Variants in IL1RAPL1 observed in about 807,000 individuals in gnomAD.
IL1RAPL1 encodes interleukin-1 receptor accessory protein-like 1.
IL1RAPL1 carries 3 observed loss-of-function variants against 48.4 expected under a neutral mutation model. The observed-to-expected ratio is 0.06, with a 90% CI of 0.03 to 0.16. IL1RAPL1 has a LOEUF of 0.16. IL1RAPL1 is among the 10% of genes least tolerant of loss of function. IL1RAPL1 has a pLI of 1.00. For synonymous variants in IL1RAPL1, 185 were observed against 187.7 expected, an observed-to-expected ratio of 0.99 and a Z score of 0.12; for missense variants, 349 against 530.6, an observed-to-expected ratio of 0.66 and a Z score of 3.36.
At chrX:28,704,083 C>T (rs190449702) in intron 1 of IL1RAPL1, among the ~76,000 whole-genome samples, 8 of 111,635 alleles carry the variant, frequency 7.2e-5, no homozygotes, top group African/African-American at 1.9e-4. Flanking sequence ...TAATAGGCAA[C>T]ACTCAGATGA....
chrX:29,352,986 C>T (rs1015280795), intron 3 of IL1RAPL1, among the ~76,000 whole-genome samples: 2 of 111,812 alleles, frequency 1.8e-5, no homozygotes, highest in Non-Finnish European at 3.8e-5. Flanking sequence ...TTACTTGCTA[C>T]TGGCAGCTTT....
intron 2 of IL1RAPL1, among the ~76,000 whole-genome samples, chrX:28,986,435 G>T (rs1439188917): frequency 8.9e-6 from 1 of 112,311 alleles, no homozygotes; most frequent in African/African-American, 3.2e-5. Flanking sequence ...TAAGTAAATG[G>T]AGGAACATAA....
Position 28,711,987 on chromosome X carries a change from G to A in IL1RAPL1, c.-24-77333G>A, listed in dbSNP as rs144093148. ...CATAAGAGAACTGAATTTGCAGGGC[G>A]AACTTTCATCGCAAACCTAAAGAGG... On this transcript the variant is annotated intron_variant, in intron 1 of 10. Transcript: ENST00000378993. Among the ~76,000 whole-genome samples the A allele has an allele frequency of 4.4e-3, 483 of 110,714 alleles. 19 individuals carry two copies. In the East Asian group the frequency reaches 0.094, roughly 22 times the overall value.
At chrX:29,336,352 T>G (rs1395635857) in intron 3 of IL1RAPL1, among the ~76,000 whole-genome samples, 9 of 74,964 alleles carry the variant, frequency 1.2e-4, no homozygotes, top group African/African-American at 3.8e-4. Flanking sequence ...TGTGTGTATA[T>G]CTATGTATAT....
intron 5 of IL1RAPL1, among the ~76,000 whole-genome samples, chrX:29,456,181 G>A (rs923064175): frequency 6.2e-5 from 7 of 112,390 alleles, no homozygotes; most frequent in African/African-American, 2.3e-4. Context: ...TCAACTCTAA[G>A]TTGAATTTCA....
At chrX:28,752,783 C>T (rs184854454) in intron 1 of IL1RAPL1, among the ~76,000 whole-genome samples, 2 of 112,034 alleles carry the variant, frequency 1.8e-5, no homozygotes, top group East Asian at 5.7e-4. Flanking sequence ...AACAGAGAAG[C>T]TGGTACAGCT....
At chrX:28,618,334 C>T (rs1292807248) in intron 1 of IL1RAPL1, among the ~76,000 whole-genome samples, 1 of 112,337 alleles carries the variant, frequency 8.9e-6, no homozygotes, top group East Asian at 2.8e-4. Context: ...CAATATGGTA[C>T]TCTTGCCTCC....
intron 3 of IL1RAPL1, among the ~76,000 whole-genome samples, chrX:29,294,345 G>A (rs1418280999): frequency 9.2e-6 from 1 of 108,938 alleles, no homozygotes; most frequent in East Asian, 2.9e-4. Context: ...TGGCTAACAC[G>A]GTGAAACCCC....
At chrX:29,944,771 A>C (rs1419703330) in intron 9 of IL1RAPL1, among the ~76,000 whole-genome samples, 1 of 111,174 alleles carries the variant, frequency 9.0e-6, no homozygotes, top group Non-Finnish European at 1.9e-5. Flanking sequence ...CTCACTTGAG[A>C]TACTACCACC....
chrX:29,620,178 T>G (rs748070619), intron 5 of IL1RAPL1, among the ~76,000 whole-genome samples: 1 of 111,971 alleles, frequency 8.9e-6, no homozygotes, highest in Non-Finnish European at 1.9e-5. Context: ...TTTTCAGAGC[T>G]ACACCTCCAA....
intron 5 of IL1RAPL1, among the ~76,000 whole-genome samples, chrX:29,456,481 C>T (rs192501240): frequency 2.7e-5 from 3 of 111,673 alleles, no homozygotes; most frequent in Non-Finnish European, 1.9e-5. Flanking sequence ...TTCCAGTAGG[C>T]ATTTGCCAGT....
At chrX:29,583,264 G>C (rs1923039913) in intron 5 of IL1RAPL1, among the ~76,000 whole-genome samples, 1 of 53,991 alleles carries the variant, frequency 1.9e-5, no homozygotes, top group African/African-American at 7.6e-5. Flanking sequence ...ATTAGGAAAA[G>C]AGGAAGTCAA....
chrX:29,815,383 A>C (rs190435031), intron 6 of IL1RAPL1, among the ~76,000 whole-genome samples: 91 of 111,608 alleles, frequency 8.2e-4, no homozygotes, highest in African/African-American at 2.5e-3. Flanking sequence ...CTCAGCTTGA[A>C]TGCTATTGGT....
chrX:28,678,302 C>A (rs1037252931), intron 1 of IL1RAPL1, among the ~76,000 whole-genome samples: 2 of 111,078 alleles, frequency 1.8e-5, no homozygotes, highest in Admixed American at 9.6e-5. Context: ...GGTGGACTAT[C>A]TGTATCTGTA....
At chrX:28,957,083 G>A (rs897989042) in intron 2 of IL1RAPL1, among the ~76,000 whole-genome samples, 1 of 110,773 alleles carries the variant, frequency 9.0e-6, no homozygotes, top group African/African-American at 3.3e-5. Context: ...ATGGTAGTTT[G>A]TATTTCTGTG....
chrX:28,878,406 G>A (rs576133043), intron 2 of IL1RAPL1, among the ~76,000 whole-genome samples: 6 of 111,881 alleles, frequency 5.4e-5, no homozygotes, highest in Non-Finnish European at 1.1e-4. Context: ...TTTTCCTAAC[G>A]TAAGTCAATG....
At chrX:29,631,064 A>T (rs1220936350) in intron 5 of IL1RAPL1, among the ~76,000 whole-genome samples, 2 of 111,890 alleles carry the variant, frequency 1.8e-5, no homozygotes, top group Admixed American at 1.9e-4. Flanking sequence ...CTGTATAGTG[A>T]TGGGTTAATA....
intron 2 of IL1RAPL1, among the ~76,000 whole-genome samples, chrX:29,233,098 C>T (rs182518008): frequency 9.0e-6 from 1 of 111,522 alleles, no homozygotes; most frequent in East Asian, 2.8e-4. Context: ...CGTGCCTGGC[C>T]GAAAGAAGCA....
At chrX:28,724,928 C>G (rs1041424282) in intron 1 of IL1RAPL1, among the ~76,000 whole-genome samples, 1 of 107,677 alleles carries the variant, frequency 9.3e-6, no homozygotes, top group Non-Finnish European at 1.9e-5. Flanking sequence ...CATGACTTGA[C>G]GTCTACCTCC....
Sources: gnomAD v4.1 joint callset for allele counts (sites outside exome capture counted in the v4.1 genomes callset) on GRCh38, gnomAD v4.1.1 for gene constraint, MANE v1.5 for transcripts, NCBI Gene and HGNC (gene_info 2026-07-23, HGNC 2026-07-21) for gene names.